The following APBB3 variants were observed in gnomAD, a reference collection of about 807,000 sequenced individuals.
The protein encoded by APBB3 is amyloid-beta A4 precursor protein-binding family B member 3.
In APBB3, 50 loss-of-function variants were observed where a neutral mutation model predicts 61.5. That is an observed-to-expected ratio of 0.81 (90% CI 0.65 to 1.03). The LOEUF is 1.03. Among genes scored for constraint, APBB3 ranks in the 50% least tolerant of loss-of-function variants. APBB3 has a pLI of 0.00. For missense variants in APBB3, 550 were observed against 637.4 expected, an observed-to-expected ratio of 0.86 and a Z score of 1.48; for synonymous variants, 235 against 233.0, an observed-to-expected ratio of 1.01 and a Z score of -0.08.
At chr5:140,563,280 G>C (rs755974095) in intron 3 of APBB3, 1 of 412,456 alleles carries the variant, frequency 2.4e-6, no homozygotes, top group African/African-American at 2.1e-5. Flanking sequence ...AATAGAACAG[G>C]GTCCAATATG....
rs118128965 is a variant in APBB3 at position 140,562,734 on chromosome 5, G to A, written c.291-11C>T. On this transcript the variant is annotated splice_polypyrimidine_tract_variant and intron_variant, in intron 3 of 12. Transcript: ENST00000357560. ...CAGGACAGAGAGTTACTGAAACAGA[G>A]CAGAGCTGTTAAGAGGACCACATTT... 4.9e-4 allele frequency: 783 copies of A among 1,614,160 alleles called. 7 individuals carry two copies. The East Asian group carries it at 0.013, about 27-fold the overall frequency.
In APBB3 at chr5:140,558,506, G is replaced by C; in HGVS notation, c.*79C>G. The C allele has an allele frequency of 7.4e-7, 1 of 1,351,878 alleles. No individual in the cohort carries two copies. The highest frequency in any genetic ancestry group is 1.1e-6 in the Non-Finnish European group (1 of 941,346). 83.7% of individuals were successfully genotyped at this position (1,351,878 alleles called of 1,614,324 possible). ...CAGAGAAGGCTTCAAGGAGTGACAGGCTATAGGCCTTGAGGAATAAAACGG... is the reference window on the plus strand; with the variant it reads ...CAGAGAAGGCTTCAAGGAGTGACAGCCTATAGGCCTTGAGGAATAAAACGG... On this transcript the variant is annotated 3_prime_UTR_variant, in exon 13 of 13. Coordinates refer to ENST00000357560, the MANE Select transcript of APBB3 (RefSeq NM_133173.3).
chr5:140,560,908 G>A lies in APBB3; in HGVS notation c.916+110C>T, dbSNP rs923032345. 166 of 1,405,858 alleles carry A rather than the reference G, an allele frequency of 1.2e-4. No homozygotes were observed. Among genetic ancestry groups the A allele is most frequent in the Non-Finnish European group, 1.5e-4 (149 of 1,012,580 alleles). 87.1% of individuals were successfully genotyped at this position (1,405,858 alleles called of 1,614,324 possible). A position where few individuals can be genotyped will look rare whatever the true frequency, so the allele number is the denominator to read the frequency against. The stretch of plus-strand genomic sequence containing the variant: ...GATTTGGGAAGGCTGGTAGACCCCA[G>A]GCCATAACAAGGCCACGGGAGGACT... On this transcript the variant is annotated intron_variant, in intron 10 of 12. Coordinates refer to ENST00000357560, the MANE Select transcript of APBB3 (RefSeq NM_133173.3). This position sits in a 1 kb window ranked among gnomAD's most constrained non-coding sequence, Gnocchi z 5.1.
chr5:140,563,373 C>A, intron 3 of APBB3: 1 of 623,580 alleles, frequency 1.6e-6, no homozygotes, highest in Admixed American at 2.9e-5. Flanking sequence ...AGGTTAGGAC[C>A]AAGAATATGA....
rs1182627483 is a variant in APBB3 at position 140,564,292 on chromosome 5, C to G, written c.-47G>C. 1 of 1,600,236 alleles carries G rather than the reference C, an allele frequency of 6.2e-7. No individual in the cohort carries two copies. Among genetic ancestry groups the G allele is most frequent in the Admixed American group, 1.7e-5 (1 of 59,874 alleles). On this transcript the variant is annotated 5_prime_UTR_variant, in exon 1 of 13. Coordinates refer to ENST00000357560, the MANE Select transcript of APBB3 (RefSeq NM_133173.3). This position sits in a 1 kb window ranked among gnomAD's most constrained non-coding sequence, Gnocchi z 5.0. ...GCCTCTGCCGGCCCGCACTCTCAGC[C>G]CAGCGCGACCTCTGGAGCTACTGCG... is the stretch of plus-strand genomic sequence containing the variant.
intron 8 of APBB3, 46 bp from the exon 9 acceptor site, chr5:140,561,495 T>G: frequency 6.2e-7 from 1 of 1,613,716 alleles, no homozygotes; most frequent in Non-Finnish European, 8.5e-7. Context: ...GAGAGGGGAA[T>G]TAGGGTAAAA....
In APBB3 at chr5:140,562,910, G is replaced by A. The variant is rs1755027910; in HGVS notation, c.291-187C>T. On this transcript the variant is annotated intron_variant, in intron 3 of 12. Transcript: ENST00000357560. ...CATAAAGTGTGACTCAGAATTTGAG[G>A]GAAAATTCAGGACATAGGACCCAGA... 3 of 601,694 alleles carry A rather than the reference G, an allele frequency of 5.0e-6. No homozygotes were observed. In the Admixed American group the frequency reaches 9.1e-5, roughly 18 times the overall value. 37.3% of individuals were successfully genotyped at this position (601,694 alleles called of 1,614,324 possible). A position where few individuals can be genotyped will look rare whatever the true frequency, so the allele number is the denominator to read the frequency against.
At chr5:140,561,277 C>T in intron 9 of APBB3, 88 bp downstream of exon 9, 1 of 1,531,582 alleles carries the variant, frequency 6.5e-7, no homozygotes. Context: ...AATTTATCCA[C>T]AGAAGTATTA....
Position 140,560,277 on chromosome 5 carries a change from G to A in APBB3, c.1224+36C>T. 1 of 1,596,904 alleles carries A rather than the reference G, an allele frequency of 6.3e-7. No individual in the cohort carries two copies. The highest frequency in any genetic ancestry group is 1.1e-5 in the South Asian group (1 of 89,896). ...AGTAAACAGTGGAGAGCAGCTGCAG[G>A]GCAATCCCACCAACCCATTCCCACC... On this transcript the variant is annotated intron_variant, in intron 12 of 12. Transcript: ENST00000357560. The surrounding 1 kb of genome is among the most constrained non-coding windows in gnomAD (Gnocchi z 5.1).
chr5:140,561,734 G>A (rs1754964239), intron 7 of APBB3, 33 bp from the exon 8 acceptor site: 1 of 1,614,086 alleles, frequency 6.2e-7, no homozygotes, highest in Non-Finnish European at 8.5e-7. Context: ...TGGGGTAGAA[G>A]CTGGTTAGAG....
Position 140,561,832 on chromosome 5 carries a change from G to A in APBB3, c.632+12C>T, listed in dbSNP as rs202146822. The A allele has an allele frequency of 9.9e-6, 16 of 1,613,800 alleles. No individual in the cohort carries two copies. The highest frequency in any genetic ancestry group is 3.4e-6 in the Non-Finnish European group (4 of 1,179,998). Reference sequence around the variant, plus strand: ...TCAGGGATGGGGCTCAGGATACCTGGTTTTCACTCACCTGTCACTGTTCCG... The same window carrying A: ...TCAGGGATGGGGCTCAGGATACCTGATTTTCACTCACCTGTCACTGTTCCG... On this transcript the variant is annotated intron_variant, in intron 7 of 12. Transcript: ENST00000357560.
At position 140,564,432 on chromosome 5, in the gene APBB3, A is replaced by T. The variant is rs1005843107; in HGVS notation, c.-187T>A. The T allele has an allele frequency of 3.0e-6, 2 of 656,722 alleles. No homozygotes were observed. Among genetic ancestry groups the T allele is most frequent in the Non-Finnish European group, 5.1e-6 (2 of 389,634 alleles). The allele number at this position is 656,722 out of a possible 1,614,324, so 40.7% of individuals were successfully genotyped here. ...GGTCCCGGGGGAGGGCCTGAGCCGCACAGCCCGCCCAGGGGTGGTGCGTGT... is the reference window on the plus strand; with the variant it reads ...GGTCCCGGGGGAGGGCCTGAGCCGCTCAGCCCGCCCAGGGGTGGTGCGTGT... On this transcript the variant is annotated 5_prime_UTR_variant, in exon 1 of 13. Coordinates refer to ENST00000357560, the MANE Select transcript of APBB3 (RefSeq NM_133173.3). The surrounding 1 kb of genome is among the most constrained non-coding windows in gnomAD (Gnocchi z 5.0).
rs1457066049 is a variant in APBB3, at chr5:140,562,739, G to C, written c.291-16C>G. On this transcript the variant is annotated splice_polypyrimidine_tract_variant and intron_variant, in intron 3 of 12. Coordinates refer to ENST00000357560, the MANE Select transcript of APBB3 (RefSeq NM_133173.3). Reference sequence around the variant, plus strand: ...CAGAGAGTTACTGAAACAGAGCAGAGCTGTTAAGAGGACCACATTTCCTAC... The same window carrying C: ...CAGAGAGTTACTGAAACAGAGCAGACCTGTTAAGAGGACCACATTTCCTAC... The C allele has an allele frequency of 6.2e-7, 1 of 1,613,918 alleles. No homozygotes were observed. Among genetic ancestry groups the C allele is most frequent in the Non-Finnish European group, 8.5e-7 (1 of 1,179,912 alleles).
At chr5:140,561,216 A>G (rs1307461455) in intron 9 of APBB3, 115 bp from the exon 10 acceptor site, 2 of 1,446,264 alleles carry the variant, frequency 1.4e-6, no homozygotes, top group African/African-American at 1.4e-5. Flanking sequence ...AATGGCTCAT[A>G]GATGCTCCTC....
chr5:140,558,689 G>A lies in APBB3; in HGVS notation c.1357C>T (p.Leu453Phe). ...CCTGCACCGCCAACCCCTCCTTTGA[G>A]CAGGGGGAGGGGCAGGGGACCTCCT... ...SPGGPLPLPLLKGGVGGAGAT... is the reference protein window; with the variant it reads ...SPGGPLPLPLFKGGVGGAGAT... Residue 453 changes from leucine to phenylalanine, a missense_variant, in exon 13 of 13, where the codon CTC becomes TTC. Transcript: ENST00000357560. The A allele has an allele frequency of 6.2e-7, 1 of 1,612,424 alleles. No individual in the cohort carries two copies.
At position 140,558,622 on chromosome 5, in the gene APBB3, G is replaced by C. The variant is rs564829716; in HGVS notation, c.1424C>G (p.Ala475Gly). 1 of 1,614,186 alleles carries C rather than the reference G, an allele frequency of 6.2e-7. No homozygotes were observed. Among genetic ancestry groups the C allele is most frequent in the South Asian group, 1.1e-5 (1 of 91,084 alleles). ...GAGCAGAGAGGGTTTCAGCCGGAAG[G>C]CATCAAGAAAAGAGAAGACACCCCG... ...RKRGVFSFLDAFRLKPSLLHM... is the reference protein window; with the variant it reads ...RKRGVFSFLDGFRLKPSLLHM... The change falls in exon 13 of 13, where the codon GCC (alanine) becomes GGC (glycine). Residue 475 changes from alanine to glycine, a missense_variant. Ala to Gly is a moderately conservative substitution (Grantham distance 60). Around this residue, in one of 3 missense-constraint regions of APBB3, gnomAD observed 138 missense variants for 132.6 expected, o/e 1.04. Coordinates refer to ENST00000357560, the MANE Select transcript of APBB3 (RefSeq NM_133173.3).
At position 140,561,410 on chromosome 5, in the gene APBB3, A is replaced by G. The variant is rs1376983764; in HGVS notation, c.787T>C (p.Cys263Arg). 1.2e-6 allele frequency: 2 copies of G among 1,614,188 alleles called. No individual in the cohort carries two copies. The highest frequency in any genetic ancestry group is 3.3e-4 in the Middle Eastern group (2 of 6,062). ...GGAGAGATGGGGTCTGGGGAGCAGCAAGAGGCATCACCACTGACCTCTACT... is the reference window on the plus strand; with the variant it reads ...GGAGAGATGGGGTCTGGGGAGCAGCGAGAGGCATCACCACTGACCTCTACT... ...ERVEVSGDAS[C>R]CSPDPISPED... Residue 263 changes from cysteine to arginine, a missense_variant, in exon 9 of 13, where the codon TGC becomes CGC. Cys to Arg is a radical substitution (Grantham distance 180). Coordinates refer to ENST00000357560, the MANE Select transcript of APBB3 (RefSeq NM_133173.3).
rs768771798 is a variant in APBB3, at chr5:140,560,442, A to C, written c.1095T>G (p.Ile365Met). Residue 365 changes from isoleucine to methionine, a missense_variant, in exon 12 of 13, where the codon ATT becomes ATG. Transcript: ENST00000357560. The surrounding 1 kb of genome is among the most constrained non-coding windows in gnomAD (Gnocchi z 5.1). ...WQCPVRLVTF[I>M]GVGRDPHTFG... is the part of the protein sequence containing the mutation. ...AGGTGTGTGGGTCGCGGCCAACACC[A>C]ATAAATGTCACAAGGCGCACAGGGC... is the stretch of plus-strand genomic sequence containing the variant. The C allele has an allele frequency of 6.2e-7, 1 of 1,614,126 alleles. No individual in the cohort carries two copies.
Position 140,558,825 on chromosome 5 carries a change from G to A in APBB3, c.1225-4C>T. The A allele has an allele frequency of 6.2e-7, 1 of 1,611,420 alleles. No individual in the cohort carries two copies. On this transcript the variant is annotated splice_region_variant and splice_polypyrimidine_tract_variant and intron_variant, in intron 12 of 12. Coordinates refer to ENST00000357560, the MANE Select transcript of APBB3 (RefSeq NM_133173.3). ...CAAGACACTTCTGGTACTGAACCTA[G>A]GGAGAAGGGGAATGTGAGGATCCAG...
Sources: allele counts gnomAD v4.1 joint callset, GRCh38; gene constraint gnomAD v4.1.1; regional missense constraint gnomAD v4.1.1; non-coding constraint Gnocchi (gnomAD v3.1); transcripts MANE v1.5; gene names NCBI Gene and HGNC (gene_info 2026-07-23, HGNC 2026-07-21).